The following BNC2 variants were observed in gnomAD, a reference collection of about 807,000 sequenced individuals.
The protein encoded by BNC2 is zinc finger protein basonuclin-2.
Under a neutral mutation model 76.3 loss-of-function variants are expected in BNC2, and 20 were observed. That is an observed-to-expected ratio of 0.26 (90% confidence interval 0.18 to 0.38). The LOEUF (loss-of-function observed/expected upper bound fraction) is 0.38. BNC2 is among the 10% of genes least tolerant of loss of function. BNC2 has a pLI of 1.00. For missense variants in BNC2, 1,382 were observed against 1,399.8 expected (o/e 0.99, Z 0.20); for synonymous variants, 582 against 514.8 (o/e 1.13, Z -1.77).
At position 16,708,641 on chromosome 9, in the gene BNC2, G is replaced by A. The variant is rs568777547; in HGVS notation, c.330+19156C>T. ...TTGAGACAAAAGCAAGCCACAGGAA[G>A]GGCGGGGTGAGAGAGAAAAAGAAAT... On this transcript the variant is annotated intron_variant, in intron 3 of 6. Coordinates refer to ENST00000380672, the MANE Select transcript of BNC2 (RefSeq NM_017637.6). 3.0e-4 allele frequency among the ~76,000 whole-genome samples: 45 copies of A among 152,286 alleles called. 1 individual carries two copies. Among genetic ancestry groups the A allele is most frequent in the Admixed American group, 2.5e-3 (38 of 15,306 alleles).
intron 6 of BNC2, among the ~76,000 whole-genome samples, chr9:16,426,241 T>C (rs1307704768): frequency 3.3e-5 from 5 of 152,166 alleles, no homozygotes; most frequent in East Asian, 1.9e-4. Flanking sequence ...TTGTTTTATA[T>C]AGCCTTACTT....
At chr9:16,665,574 C>G (rs973650929) in intron 3 of BNC2, among the ~76,000 whole-genome samples, 14 of 151,988 alleles carry the variant, frequency 9.2e-5, no homozygotes, top group Admixed American at 9.2e-4. Context: ...CTTATTTTAC[C>G]ATTTGACACT....
chr9:16,663,632 T>A (rs1336359056), intron 3 of BNC2, among the ~76,000 whole-genome samples: 3 of 152,096 alleles, frequency 2.0e-5, no homozygotes, highest in African/African-American at 7.2e-5. Flanking sequence ...TGCATTCCGG[T>A]GACTTTACAC....
chr9:16,791,791 T>C (rs1563945328), intron 1 of BNC2, among the ~76,000 whole-genome samples: 1 of 152,110 alleles, frequency 6.6e-6, no homozygotes, highest in East Asian at 1.9e-4. Flanking sequence ...AGAAAATAGA[T>C]TAAAAAGTAC....
intron 3 of BNC2, among the ~76,000 whole-genome samples, chr9:16,639,543 AT>A (rs1045103117): frequency 1.4e-4 from 21 of 152,192 alleles, no homozygotes; most frequent in East Asian, 3.9e-4. Context: ...CTCATATCAA[AT>A]TTTTTTATGT....
At position 16,620,152 on chromosome 9, in the gene BNC2, T is replaced by C. The variant is rs117212043; in HGVS notation, c.331-37067A>G. Among the ~76,000 whole-genome samples the C allele has an allele frequency of 2.6e-3, 391 of 152,226 alleles. 2 individuals are homozygous for C. The highest frequency in any genetic ancestry group is 2.5e-3 in the Non-Finnish European group (169 of 68,024). ...CTAAATTCAATGAAGCTTGACGCCATTGATATGAAAAAGGGCTACATTTGT... is the reference window on the plus strand; with the variant it reads ...CTAAATTCAATGAAGCTTGACGCCACTGATATGAAAAAGGGCTACATTTGT... On this transcript the variant is annotated intron_variant, in intron 3 of 6. Transcript: ENST00000380672.
At chr9:16,870,521 T>G (rs1270334068) in intron 1 of BNC2, 125 bp downstream of exon 1, 8 of 1,098,894 alleles carry the variant, frequency 7.3e-6, no homozygotes, top group Non-Finnish European at 1.0e-5. Flanking sequence ...TCAGCGCCCC[T>G]TGCCCCTCAC....
At chr9:16,624,629 C>A (rs2133633963) in intron 3 of BNC2, among the ~76,000 whole-genome samples, 1 of 152,220 alleles carries the variant, frequency 6.6e-6, no homozygotes, top group Non-Finnish European at 1.5e-5. Context: ...ACCTGTAGAT[C>A]TTCTTTTTCC....
intron 4 of BNC2, among the ~76,000 whole-genome samples, chr9:16,559,126 G>T (rs1408128643): frequency 1.3e-5 from 2 of 152,094 alleles, no homozygotes; most frequent in Non-Finnish European, 2.9e-5. Flanking sequence ...AAAAATAATG[G>T]TGAGGAAGAG....
chr9:16,552,779 G>A lies in BNC2; in HGVS notation c.434-14C>T, dbSNP rs374036898. ...GCTTATCCAAGGCTGTGGTGGTCCC[G>A]CCAAAGTTCCAGAGATGGGGGTGTT... is the stretch of plus-strand genomic sequence containing the variant. On this transcript the variant is annotated splice_polypyrimidine_tract_variant and intron_variant, in intron 4 of 6. Coordinates refer to ENST00000380672, the MANE Select transcript of BNC2 (RefSeq NM_017637.6). 479 of 1,605,990 alleles carry A rather than the reference G, an allele frequency of 3.0e-4. No homozygotes were observed. Among genetic ancestry groups the A allele is most frequent in the Non-Finnish European group, 3.9e-4 (457 of 1,172,852 alleles).
chr9:16,685,511 C>T, intron 3 of BNC2: 1 of 1,257,706 alleles, frequency 8.0e-7, no homozygotes, highest in Non-Finnish European at 1.1e-6. Context: ...TCTGTCACAC[C>T]ACCCCTAGCT....
At chr9:16,708,203 C>G (rs758040914) in intron 3 of BNC2, among the ~76,000 whole-genome samples, 1 of 152,142 alleles carries the variant, frequency 6.6e-6, no homozygotes. Flanking sequence ...TAGATCAAAT[C>G]TGTGATAACC....
intron 6 of BNC2, among the ~76,000 whole-genome samples, chr9:16,434,246 T>C (rs567700700): frequency 1.1e-4 from 16 of 152,312 alleles, no homozygotes; most frequent in African/African-American, 3.8e-4. Flanking sequence ...TTCTTCAAAC[T>C]TTTATTTTAA....
intron 1 of BNC2, among the ~76,000 whole-genome samples, chr9:16,788,030 A>C (rs1826344987): frequency 6.6e-6 from 1 of 152,114 alleles, no homozygotes; most frequent in African/African-American, 2.4e-5. Flanking sequence ...ACTGGTTCAA[A>C]TGTAGTACCC....
chr9:16,848,216 G>C (rs1227741759), intron 1 of BNC2, among the ~76,000 whole-genome samples: 4 of 152,118 alleles, frequency 2.6e-5, no homozygotes, highest in African/African-American at 9.7e-5. Context: ...AAAGTAAAGA[G>C]AAGGCACCAA....
chr9:16,754,717 C>G (rs1563928244), intron 1 of BNC2, among the ~76,000 whole-genome samples: 1 of 152,116 alleles, frequency 6.6e-6, no homozygotes, highest in African/African-American at 2.4e-5. Flanking sequence ...ACCACCATGC[C>G]CAGCTAATAT....
intron 1 of BNC2, among the ~76,000 whole-genome samples, chr9:16,766,494 GA>G (rs1336385507): frequency 2.6e-5 from 4 of 152,066 alleles, no homozygotes; most frequent in African/African-American, 9.7e-5. Flanking sequence ...TTCCCACCCA[GA>G]ACCACTTAAT....
intron 1 of BNC2, among the ~76,000 whole-genome samples, chr9:16,790,564 A>C (rs1817477874): frequency 6.6e-6 from 1 of 152,236 alleles, no homozygotes; most frequent in Non-Finnish European, 1.5e-5. Flanking sequence ...CTTGGTAGAT[A>C]GGTATACTTC....
At chr9:16,662,160 G>A (rs1197952900) in intron 3 of BNC2, among the ~76,000 whole-genome samples, 1 of 152,140 alleles carries the variant, frequency 6.6e-6, no homozygotes, top group Non-Finnish European at 1.5e-5. Flanking sequence ...TCACATATTA[G>A]TTCATGAGTC....
Sources: gnomAD v4.1 joint callset for allele counts (sites outside exome capture counted in the v4.1 genomes callset) on GRCh38, gnomAD v4.1.1 for gene constraint, MANE v1.5 for transcripts, NCBI Gene and HGNC (gene_info 2026-07-23, HGNC 2026-07-21) for gene names.